PRR16: variants seen among roughly 807,000 people sequenced by gnomAD.
The protein encoded by PRR16 is proline rich 16, also known as protein Largen.
In PRR16, 6 loss-of-function variants were observed where a neutral mutation model predicts 18.2. That is an observed-to-expected ratio of 0.33 (90% CI 0.18 to 0.65). PRR16 has a LOEUF of 0.65. Among genes scored for constraint, PRR16 ranks in the 30% least tolerant of loss-of-function variants. The pLI, the probability that PRR16 is intolerant of heterozygous loss-of-function variation, is 0.74. For synonymous variants in PRR16, 151 were observed against 147.8 expected (o/e 1.02, Z -0.16); for missense variants, 412 against 376.6 (o/e 1.09, Z -0.78).
chr5:120,748,458 G>A, the PRR16 span, among the ~76,000 whole-genome samples: 2 of 151,664 alleles, frequency 1.3e-5, no homozygotes, highest in East Asian at 3.9e-4. Context: ...TAGTATATTT[G>A]GGGACTTTAA....
chr5:120,591,882 A>T (rs1484742009), intron 1 of PRR16, among the ~76,000 whole-genome samples: 1 of 152,176 alleles, frequency 6.6e-6, no homozygotes, highest in Non-Finnish European at 1.5e-5. Flanking sequence ...GAAAGTACCA[A>T]GTAAAGATAC....
chr5:120,623,440 C>T (rs7703508), intron 1 of PRR16, among the ~76,000 whole-genome samples: 149,671 of 152,280 alleles, frequency 0.98, 73,590 homozygotes, highest in East Asian at 1. Context: ...TTAGAATACC[C>T]GGCTTTGAAA....
chr5:120,726,613 T>A, the PRR16 span, among the ~76,000 whole-genome samples: 1 of 152,114 alleles, frequency 6.6e-6, no homozygotes, highest in African/African-American at 2.4e-5. Flanking sequence ...GTATGTTTAA[T>A]AGCTCATGGT....
intron 1 of PRR16, among the ~76,000 whole-genome samples, chr5:120,548,077 G>A (rs1752129633): frequency 6.6e-6 from 1 of 152,070 alleles, no homozygotes; most frequent in Non-Finnish European, 1.5e-5. Context: ...ACTGAGGACA[G>A]TAGAAAGTGT....
the PRR16 span, among the ~76,000 whole-genome samples, chr5:120,788,501 T>C: frequency 1.3e-5 from 2 of 152,116 alleles, no homozygotes; most frequent in Admixed American, 6.6e-5. Flanking sequence ...AAAAATATTA[T>C]TGTGGGACTA....
At chr5:120,557,638 G>T (rs1318473377) in intron 1 of PRR16, among the ~76,000 whole-genome samples, 3 of 151,808 alleles carry the variant, frequency 2.0e-5, no homozygotes, top group African/African-American at 7.2e-5. Flanking sequence ...ACTTTCTCAT[G>T]CAAAACAAAG....
At chr5:120,701,724 T>G in the PRR16 span, among the ~76,000 whole-genome samples, 7 of 151,936 alleles carry the variant, frequency 4.6e-5, no homozygotes, top group Non-Finnish European at 1.0e-4. Context: ...TTGGGGTTGG[T>G]ACTGAGGGGA....
chr5:120,490,190 C>T (rs1338444597), intron 1 of PRR16, among the ~76,000 whole-genome samples: 13 of 152,170 alleles, frequency 8.5e-5, no homozygotes, highest in Middle Eastern at 6.8e-3. Context: ...TGAATCTGAA[C>T]GTTGGCCTGC....
chr5:120,498,258 T>C (rs1267696347), intron 1 of PRR16, among the ~76,000 whole-genome samples: 1 of 150,020 alleles, frequency 6.7e-6, no homozygotes, highest in African/African-American at 2.4e-5. Context: ...TTTTCCTAGG[T>C]ATTACATTAT....
At chr5:120,754,328 T>A in the PRR16 span, among the ~76,000 whole-genome samples, 5 of 64,820 alleles carry the variant, frequency 7.7e-5, no homozygotes, top group African/African-American at 2.3e-4. Context: ...AAATATTATA[T>A]GTTATATATA....
chr5:120,686,279 G>A lies in PRR16; in HGVS notation c.485G>A (p.Gly162Glu), dbSNP rs116726474. 2 of 1,614,066 alleles carry A rather than the reference G, an allele frequency of 1.2e-6. No individual in the cohort carries two copies. The highest frequency in any genetic ancestry group is 1.7e-5 in the Admixed American group (1 of 59,992). ...CTACGAAATGGAGGCTTACCAGGTG[G>A]ACCTAACAAAATTCCAAATGGAGAT... ...TLLRNGGLPG[G>E]PNKIPNGDIC... The change falls in exon 2 of 2, where the codon GGA (glycine) becomes GAA (glutamate). Residue 162 changes from glycine (G) to glutamate (E), a missense_variant. Gly to Glu is a moderately conservative substitution (Grantham distance 98). Transcript: ENST00000407149.
At chr5:120,481,283 A>G (rs897944037) in intron 1 of PRR16, 4 of 452,464 alleles carry the variant, frequency 8.8e-6, no homozygotes, top group African/African-American at 8.1e-5. Context: ...TCAGTGCGCC[A>G]CTACGCCTGG....
intron 1 of PRR16, among the ~76,000 whole-genome samples, chr5:120,602,794 A>G (rs1223111631): frequency 1.3e-5 from 2 of 152,106 alleles, no homozygotes; most frequent in Non-Finnish European, 1.5e-5. Context: ...AATTTTATCA[A>G]TGCCATATCT....
In PRR16 at chr5:120,675,371, G is replaced by C. The variant is rs116389270; in HGVS notation, c.160-10583G>C. ...ATTAGCTGTTACTATGTTGCCAATC[G>C]TGTTGTATGTGAAAGAGTGTGGGGC... On this transcript the variant is annotated intron_variant, in intron 1 of 1. Coordinates refer to ENST00000407149, the MANE Select transcript of PRR16 (RefSeq NM_001300783.2). Among the ~76,000 whole-genome samples, 336 of 152,260 alleles carry C rather than the reference G, an allele frequency of 2.2e-3. 2 individuals carry two copies. The highest frequency in any genetic ancestry group is 6.8e-3 in the Middle Eastern group (2 of 294).
At chr5:120,785,090 C>T in the PRR16 span, among the ~76,000 whole-genome samples, 2,056 of 152,336 alleles carry the variant, frequency 0.013, 51 homozygotes, top group African/African-American at 0.048. Flanking sequence ...AACAATCTCA[C>T]ATGACTACAG....
At chr5:120,674,354 G>A (rs1201888375) in intron 1 of PRR16, among the ~76,000 whole-genome samples, 4 of 152,058 alleles carry the variant, frequency 2.6e-5, no homozygotes, top group African/African-American at 4.8e-5. Flanking sequence ...AGAATATCTC[G>A]TTAATTAACT....
At chr5:120,718,151 G>A in the PRR16 span, among the ~76,000 whole-genome samples, 5 of 151,948 alleles carry the variant, frequency 3.3e-5, no homozygotes, top group South Asian at 2.1e-4. Context: ...ATAATATTTC[G>A]ACAAAATTTT....
chr5:120,502,998 C>T lies in PRR16; in HGVS notation c.159+38353C>T, dbSNP rs537676122. Among the ~76,000 whole-genome samples, 5 of 152,110 alleles carry T rather than the reference C, an allele frequency of 3.3e-5. No homozygotes were observed. The South Asian group carries it at 6.2e-4, about 19-fold the overall frequency. ...ACCTAAAAAAAGATTTTTTTCTGTT[C>T]GCAATTCCATGTTATGCATTGAAAC... On this transcript the variant is annotated intron_variant, in intron 1 of 1. Transcript: ENST00000407149.
chr5:120,618,593 C>G, intron 1 of PRR16: 1 of 909,506 alleles, frequency 1.1e-6, no homozygotes, highest in African/African-American at 1.8e-5. Context: ...TATAGCAAAT[C>G]ACATAAAATG....
Sources: allele counts gnomAD v4.1 joint callset (sites outside exome capture counted in the v4.1 genomes callset), GRCh38; gene constraint gnomAD v4.1.1; transcripts MANE v1.5; gene names NCBI Gene and HGNC (gene_info 2026-07-23, HGNC 2026-07-21).